Variants in FHOD3 observed in about 807,000 individuals in gnomAD.
The protein encoded by FHOD3 is formin homology 2 domain containing 3.
FHOD3 carries 90 observed loss-of-function variants against 173.0 expected under a neutral mutation model. The observed-to-expected ratio is 0.52, with a 90% CI of 0.44 to 0.62. The LOEUF is 0.62. Ranked by LOEUF, FHOD3 falls within the 20% of genes least tolerant of loss-of-function variation. FHOD3 has a pLI of 0.00. For synonymous variants in FHOD3, 828 were observed against 823.0 expected (o/e 1.01, Z -0.10); for missense variants, 1,945 against 2,034.7 (o/e 0.96, Z 0.85).
At chr18:36,567,505 C>G (rs920086219) in intron 5 of FHOD3, among the ~76,000 whole-genome samples, 1 of 152,064 alleles carries the variant, frequency 6.6e-6, no homozygotes, top group Admixed American at 6.5e-5. Flanking sequence ...CTGTCTTTCC[C>G]GATGAATTCA....
intron 3 of FHOD3, among the ~76,000 whole-genome samples, chr18:36,408,009 G>A (rs2049153777): frequency 6.6e-6 from 1 of 152,132 alleles, no homozygotes; most frequent in Non-Finnish European, 1.5e-5. Context: ...TTTGACTGAG[G>A]CTCAGGAGCG....
intron 6 of FHOD3, among the ~76,000 whole-genome samples, chr18:36,592,471 G>A (rs761190869): frequency 2.0e-5 from 3 of 152,188 alleles, no homozygotes; most frequent in Non-Finnish European, 4.4e-5. Context: ...GCACTGGGCC[G>A]GAGAGGGGGT....
rs1012369651 is a variant in FHOD3, at chr18:36,309,789, G to A, written c.165+11789G>A. ...AGTGGTTTTTTGTTCCCAGAACTGA[G>A]TGCATTTTTGTGGACAGTGATTCAT... On this transcript the variant is annotated intron_variant, in intron 1 of 28. Coordinates refer to ENST00000590592, the MANE Select transcript of FHOD3 (RefSeq NM_001281740.3). Among the ~76,000 whole-genome samples the A allele has an allele frequency of 2.0e-5, 3 of 152,220 alleles. No individual in the cohort carries two copies. The East Asian group carries it at 5.8e-4, about 29-fold the overall frequency.
At chr18:36,520,396 C>T (rs1306160030) in intron 5 of FHOD3, among the ~76,000 whole-genome samples, 1 of 152,214 alleles carries the variant, frequency 6.6e-6, no homozygotes, top group Non-Finnish European at 1.5e-5. Context: ...CAAACATTAT[C>T]TCCAGCTGGA....
intron 3 of FHOD3, among the ~76,000 whole-genome samples, chr18:36,447,357 G>T (rs2051545789): frequency 6.6e-6 from 1 of 152,188 alleles, no homozygotes; most frequent in Non-Finnish European, 1.5e-5. Flanking sequence ...GATCTCTCAG[G>T]ATGACTTTGT....
intron 7 of FHOD3, among the ~76,000 whole-genome samples, chr18:36,595,171 A>G (rs2030119445): frequency 1.3e-5 from 2 of 152,080 alleles, no homozygotes; most frequent in African/African-American, 4.8e-5. Flanking sequence ...CCACTGAAAC[A>G]CAGAAGTCTA....
At chr18:36,526,723 A>C (rs1273419162) in intron 5 of FHOD3, among the ~76,000 whole-genome samples, 3 of 152,234 alleles carry the variant, frequency 2.0e-5, no homozygotes, top group African/African-American at 7.2e-5. Context: ...CTTTCTAAAA[A>C]ATAGAATCAG....
intron 3 of FHOD3, among the ~76,000 whole-genome samples, chr18:36,378,579 C>A (rs1490777664): frequency 7.1e-6 from 1 of 140,368 alleles, no homozygotes; most frequent in South Asian, 2.4e-4. Context: ...CCCTGTCCCC[C>A]CTGGACCCCT....
Position 36,598,838 on chromosome 18 carries a change from C to T in FHOD3, c.719-3836C>T, listed in dbSNP as rs951678846. ...TGCTGGGATTACAGGCGTGAGCCAC[C>T]GCGCCTGGCCAAAGAAGGAAAATTT... On this transcript the variant is annotated intron_variant, in intron 7 of 28. Transcript: ENST00000590592. Among the ~76,000 whole-genome samples the T allele has an allele frequency of 9.2e-5, 14 of 152,228 alleles. No individual in the cohort carries two copies. In the East Asian group the frequency reaches 9.6e-4, roughly 10 times the overall value.
chr18:36,437,467 T>C (rs899635797), intron 3 of FHOD3, among the ~76,000 whole-genome samples: 1 of 152,234 alleles, frequency 6.6e-6, no homozygotes, highest in African/African-American at 2.4e-5. Flanking sequence ...TTTCAGATTA[T>C]ATTTACTAAA....
chr18:36,435,483 A>T (rs2050766273), intron 3 of FHOD3, among the ~76,000 whole-genome samples: 1 of 152,186 alleles, frequency 6.6e-6, no homozygotes, highest in Non-Finnish European at 1.5e-5. Context: ...CTCACTAAGT[A>T]ACAGTTTGGT....
At chr18:36,446,255 A>G (rs1289371367) in intron 3 of FHOD3, among the ~76,000 whole-genome samples, 1 of 152,174 alleles carries the variant, frequency 6.6e-6, no homozygotes, top group Non-Finnish European at 1.5e-5. Context: ...TCCTCAGTGC[A>G]TAAGGGCCCT....
At chr18:36,645,884 G>A (rs1049156248) in intron 10 of FHOD3, among the ~76,000 whole-genome samples, 4 of 152,070 alleles carry the variant, frequency 2.6e-5, no homozygotes, top group Admixed American at 2.6e-4. Context: ...GCATTTGACA[G>A]AACTTTAATA....
At chr18:36,424,298 A>T (rs1375140284) in intron 3 of FHOD3, among the ~76,000 whole-genome samples, 2 of 152,322 alleles carry the variant, frequency 1.3e-5, no homozygotes, top group Admixed American at 1.3e-4. Context: ...TAGTGTGTAT[A>T]AAACTGTGCT....
chr18:36,765,223 G>C (rs757407269), intron 27 of FHOD3, among the ~76,000 whole-genome samples: 1 of 152,190 alleles, frequency 6.6e-6, no homozygotes, highest in Non-Finnish European at 1.5e-5. Flanking sequence ...AGATAGGCTA[G>C]AGTAAGCACC....
intron 3 of FHOD3, among the ~76,000 whole-genome samples, chr18:36,381,256 A>T (rs1041535750): frequency 6.6e-6 from 1 of 152,198 alleles, no homozygotes; most frequent in Admixed American, 6.5e-5. Flanking sequence ...GTCTTAGAGG[A>T]AAGTAAGTCA....
chr18:36,616,073 G>T (rs77505213), intron 9 of FHOD3, among the ~76,000 whole-genome samples: 3,795 of 152,272 alleles, frequency 0.025, 169 homozygotes, highest in African/African-American at 0.087. Flanking sequence ...AGGTGACAAA[G>T]GAGTATGTTC....
intron 8 of FHOD3, among the ~76,000 whole-genome samples, chr18:36,609,119 C>T (rs2032393964): frequency 6.6e-6 from 1 of 152,228 alleles, no homozygotes; most frequent in Non-Finnish European, 1.5e-5. Flanking sequence ...CTTGTCAAGA[C>T]AAAGTCTAAG....
intron 3 of FHOD3, among the ~76,000 whole-genome samples, chr18:36,399,971 A>G: frequency 6.6e-6 from 1 of 152,174 alleles, no homozygotes; most frequent in East Asian, 1.9e-4. Flanking sequence ...TCCTTCATTC[A>G]CTGGGTGAAA....
Sources: allele counts gnomAD v4.1 joint callset (sites outside exome capture counted in the v4.1 genomes callset), GRCh38; gene constraint gnomAD v4.1.1; transcripts MANE v1.5; gene names NCBI Gene and HGNC (gene_info 2026-07-23, HGNC 2026-07-21).